The following CWF19L1 variants were observed in gnomAD, a reference collection of about 807,000 sequenced individuals.
CWF19L1 encodes CWF19-like protein 1.
A neutral mutation model predicts 69.7 loss-of-function variants in CWF19L1; 60 were observed. The observed-to-expected ratio is 0.86, with a 90% CI of 0.70 to 1.07. CWF19L1 has a LOEUF of 1.07. Ranked by LOEUF, CWF19L1 falls within the 50% of genes least tolerant of loss-of-function variation. CWF19L1 has a pLI of 0.00. For missense variants in CWF19L1, 591 were observed against 638.9 expected, an observed-to-expected ratio of 0.92 and a Z score of 0.81; for synonymous variants, 209 against 222.2, an observed-to-expected ratio of 0.94 and a Z score of 0.53.
intron 7 of CWF19L1, chr10:100,248,484 A>T (rs1425522783): frequency 2.9e-6 from 2 of 678,446 alleles, no homozygotes; most frequent in African/African-American, 3.5e-5. Flanking sequence ...TTGACCATGT[A>T]ATGTGCCAGT....
intron 7 of CWF19L1, chr10:100,249,141 T>C: frequency 2.5e-6 from 1 of 407,902 alleles, no homozygotes; most frequent in Non-Finnish European, 4.5e-6. Context: ...AACACTGTCT[T>C]CCTTCTGCCC....
At chr10:100,265,271 A>T (rs775898423) in intron 1 of CWF19L1, among the ~76,000 whole-genome samples, 1 of 152,142 alleles carries the variant, frequency 6.6e-6, no homozygotes, top group Non-Finnish European at 1.5e-5. Context: ...GTGTAAAAAA[A>T]CTTAAAGTTT....
At position 100,233,333 on chromosome 10, in the gene CWF19L1, T is replaced by C. The variant is rs117713471; in HGVS notation, c.1511A>G (p.Asp504Gly). ...LASEAILNVP[D>G]KSDWRQCQIS... ...CTGACACTGCCTCCAGTCAGACTTA[T>C]CAGGAACATTAAGGATGGCTTCACT... Residue 504 changes from aspartate (D) to glycine (G), a missense_variant, in exon 14 of 14, where the codon GAT (aspartate) becomes GGT (glycine). Coordinates refer to ENST00000354105, the MANE Select transcript of CWF19L1 (RefSeq NM_018294.6). 9.9e-6 allele frequency: 16 copies of C among 1,613,764 alleles called. No homozygotes were observed. The African/African-American group carries it at 1.1e-4, about 11-fold the overall frequency.
chr10:100,243,422 T>C (rs537778735), intron 10 of CWF19L1, among the ~76,000 whole-genome samples: 1 of 152,274 alleles, frequency 6.6e-6, no homozygotes, highest in East Asian at 1.9e-4. Context: ...TGTCCAAAAA[T>C]GGCAAACTAT....
At chr10:100,267,533 A>G (rs1847641739) in intron 1 of CWF19L1, 38 bp downstream of exon 1, 1 of 1,613,990 alleles carries the variant, frequency 6.2e-7, no homozygotes, top group African/African-American at 1.3e-5. Context: ...CACACGAAAG[A>G]GACACAGGGA....
chr10:100,257,354 C>T (rs550496404), intron 4 of CWF19L1, among the ~76,000 whole-genome samples: 11 of 133,536 alleles, frequency 8.2e-5, no homozygotes, highest in African/African-American at 2.6e-4. Flanking sequence ...AGTGCAGTGG[C>T]GCAATCTTGG....
chr10:100,252,199 T>C (rs1847058915), intron 6 of CWF19L1, among the ~76,000 whole-genome samples: 2 of 152,188 alleles, frequency 1.3e-5, no homozygotes. Context: ...GGCAGTATAT[T>C]CTTTAAGAAC....
chr10:100,246,143 G>A (rs1269254109), intron 8 of CWF19L1: 15 of 444,770 alleles, frequency 3.4e-5, no homozygotes, highest in East Asian at 3.2e-4. Context: ...TTGGAAAAAC[G>A]AGTTAAAATG....
chr10:100,266,287 G>A (rs1847579735), intron 1 of CWF19L1, among the ~76,000 whole-genome samples: 1 of 150,478 alleles, frequency 6.6e-6, no homozygotes, highest in Non-Finnish European at 1.5e-5. Context: ...ACCTCCCCAG[G>A]CTCAGGTGGT....
chr10:100,257,501 T>C (rs998118544), intron 4 of CWF19L1, among the ~76,000 whole-genome samples: 2 of 151,972 alleles, frequency 1.3e-5, no homozygotes, highest in African/African-American at 2.4e-5. Flanking sequence ...GGTTTCATCA[T>C]GTTGGCCAGG....
intron 9 of CWF19L1, 136 bp from the exon 10 acceptor site, chr10:100,243,913 G>A: frequency 1.4e-6 from 1 of 697,046 alleles, no homozygotes; most frequent in Non-Finnish European, 2.6e-6. Context: ...GGCTGAGCCT[G>A]TGCTCCTCAC....
intron 10 of CWF19L1, among the ~76,000 whole-genome samples, chr10:100,242,703 C>T (rs901976253): frequency 1.3e-5 from 2 of 151,682 alleles, no homozygotes; most frequent in East Asian, 1.9e-4. Flanking sequence ...TTTCATAAGG[C>T]TCTAGTTTCT....
intron 1 of CWF19L1, chr10:100,267,295 G>C (rs1380898705): frequency 3.4e-6 from 1 of 291,904 alleles, no homozygotes; most frequent in Non-Finnish European, 5.1e-6. Context: ...ATGTGTCAGA[G>C]GCCAGGACTG....
intron 1 of CWF19L1, chr10:100,262,503 C>G (rs1847440452): frequency 1.0e-6 from 1 of 981,044 alleles, no homozygotes; most frequent in Non-Finnish European, 1.2e-6. Context: ...ATTTGATAAA[C>G]AGGTACTGGA....
At chr10:100,262,928 C>CT (rs71305555) in intron 1 of CWF19L1, among the ~76,000 whole-genome samples, 13,837 of 147,954 alleles carry the variant, frequency 0.094, 1,018 homozygotes, top group African/African-American at 0.2. Context: ...CCTCGCCAAA[C>CT]TTTTTTTTTT....
intron 6 of CWF19L1, among the ~76,000 whole-genome samples, chr10:100,252,253 G>A (rs1190536760): frequency 6.6e-6 from 1 of 152,052 alleles, no homozygotes; most frequent in Admixed American, 6.6e-5. Flanking sequence ...GGCTAACACG[G>A]TGAAACCCTG....
At chr10:100,238,790 C>G (rs968746315) in intron 10 of CWF19L1, among the ~76,000 whole-genome samples, 1 of 152,050 alleles carries the variant, frequency 6.6e-6, no homozygotes, top group South Asian at 2.1e-4. Flanking sequence ...ATTAGCCAGG[C>G]CTGTGATGGC....
chr10:100,261,620 T>C (rs1847404297), intron 2 of CWF19L1, among the ~76,000 whole-genome samples: 1 of 152,218 alleles, frequency 6.6e-6, no homozygotes, highest in South Asian at 2.1e-4. Context: ...CTTTTAAGCT[T>C]GTGATGGGTT....
Position 100,235,701 on chromosome 10 carries a change from T to C in CWF19L1, c.1438A>G (p.Arg480Gly). Residue 480 changes from arginine to glycine, a missense_variant, in exon 13 of 14, where the codon AGA (arginine) becomes GGA (glycine). Physicochemically the swap from Arg to Gly is moderately radical, Grantham distance 125 (BLOSUM62 -2). Coordinates refer to ENST00000354105, the MANE Select transcript of CWF19L1 (RefSeq NM_018294.6). ...ELDTGEKLFH[R>G]IKKNFPLQFG... is the part of the protein sequence containing the mutation. ...TGCAAAGGAAAATTCTTTTTAATTC[T>C]GTGGAAAAGCTTTTCTCCTGTGTCA... The C allele has an allele frequency of 6.2e-7, 1 of 1,612,526 alleles. No individual in the cohort carries two copies. The highest frequency in any genetic ancestry group is 8.5e-7 in the Non-Finnish European group (1 of 1,179,906).
Sources: gnomAD v4.1 joint callset for allele counts (sites outside exome capture counted in the v4.1 genomes callset) on GRCh38, gnomAD v4.1.1 for gene constraint, MANE v1.5 for transcripts, NCBI Gene and HGNC (gene_info 2026-07-23, HGNC 2026-07-21) for gene names.